The following MCF2L2 variants were observed in gnomAD, a reference collection of about 807,000 sequenced individuals.
MCF2L2 encodes the protein MCF.2 cell line derived transforming sequence-like 2.
MCF2L2 carries 102 observed loss-of-function variants against 150.2 expected under a neutral mutation model. The ratio of observed to expected loss-of-function variants is 0.68; its 90% CI spans 0.58 to 0.80. The LOEUF is 0.80. MCF2L2 is among the 30% of genes least tolerant of loss of function. The probability of loss-of-function intolerance (pLI) is 0.00; values close to 1 mark genes in which losing one functional copy is unlikely to be tolerated. For synonymous variants in MCF2L2, 465 were observed against 491.3 expected, an observed-to-expected ratio of 0.95 and a Z score of 0.71; for missense variants, 1,256 against 1,372.8, an observed-to-expected ratio of 0.91 and a Z score of 1.34.
intron 23 of MCF2L2, among the ~76,000 whole-genome samples, chr3:183,206,951 A>AGGGAGGGAGGG (rs1553881869): frequency 1.4e-4 from 8 of 57,380 alleles, no homozygotes; most frequent in African/African-American, 4.1e-4. Flanking sequence ...GGAAGGAAGG[A>AGGGAGGGAGGG]AGGAAGGAAG....
intron 15 of MCF2L2, among the ~76,000 whole-genome samples, chr3:183,248,623 C>T (rs1449404994): frequency 6.6e-6 from 1 of 151,976 alleles, no homozygotes; most frequent in Non-Finnish European, 1.5e-5. Context: ...TCGCTTGAGC[C>T]CAGGAGTTCA....
chr3:183,321,863 G>C (rs1729826665), intron 6 of MCF2L2, among the ~76,000 whole-genome samples: 1 of 152,238 alleles, frequency 6.6e-6, no homozygotes, highest in Admixed American at 6.5e-5. Context: ...TAATTTATAA[G>C]CAGCAGAAAT....
Position 183,427,993 on chromosome 3 carries a change from T to C in MCF2L2, c.-16A>G, listed in dbSNP as rs757368466. ...AAGACAGCATTTCACTGAAAAACCA[T>C]TCCGTATAAATAAAGCCAAACAAAA... On this transcript the variant is annotated 5_prime_UTR_variant, in exon 1 of 30. The change abolishes an upstream ATG in the 5' untranslated region. Transcript: ENST00000328913. The C allele has an allele frequency of 6.2e-7, 1 of 1,602,870 alleles. No individual in the cohort carries two copies. The highest frequency in any genetic ancestry group is 8.5e-7 in the Non-Finnish European group (1 of 1,170,074).
At chr3:183,357,765 T>G (rs978952361) in intron 3 of MCF2L2, among the ~76,000 whole-genome samples, 1 of 151,362 alleles carries the variant, frequency 6.6e-6, no homozygotes, top group Non-Finnish European at 1.5e-5. Context: ...ATGCTCTGCA[T>G]GGGACCAAGA....
Position 183,180,123 on chromosome 3 carries a change from A to G in MCF2L2, c.3053T>C (p.Phe1018Ser), listed in dbSNP as rs760291871. Residue 1018 changes from phenylalanine to serine, a missense_variant, in exon 28 of 30, where the codon TTT (phenylalanine) becomes TCT (serine). Transcript: ENST00000328913. ...GTCTTCTGCGCCTTCACAGTCTTCA[A>G]AGGTGTCCATGGAGCTAAACTCCCT... ...SSREFSSMDT[F>S]EDCEGAEDME... 1.9e-6 allele frequency: 3 copies of G among 1,613,918 alleles called. No individual in the cohort carries two copies. Among genetic ancestry groups the G allele is most frequent in the African/African-American group, 2.7e-5 (2 of 74,926 alleles).
chr3:183,385,605 A>T (rs935456923), intron 2 of MCF2L2, among the ~76,000 whole-genome samples: 1 of 152,230 alleles, frequency 6.6e-6, no homozygotes, highest in Non-Finnish European at 1.5e-5. Flanking sequence ...TGAAAGAGAG[A>T]GATTCAGTTC....
intron 3 of MCF2L2, among the ~76,000 whole-genome samples, chr3:183,343,801 AT>A (rs1212954995): frequency 6.6e-6 from 1 of 152,222 alleles, no homozygotes; most frequent in African/African-American, 2.4e-5. Context: ...CAAAGTAAAA[AT>A]AACACAGTAT....
intron 15 of MCF2L2, among the ~76,000 whole-genome samples, chr3:183,247,227 G>A (rs916400850): frequency 3.9e-5 from 6 of 152,150 alleles, no homozygotes; most frequent in Admixed American, 1.3e-4. Flanking sequence ...CCAATGTGTC[G>A]AGCATGAATG....
intron 15 of MCF2L2, among the ~76,000 whole-genome samples, chr3:183,249,910 G>A (rs982096605): frequency 6.6e-6 from 1 of 152,228 alleles, no homozygotes; most frequent in Non-Finnish European, 1.5e-5. Flanking sequence ...ATTATTGTGA[G>A]GGTGGCAAGG....
chr3:183,256,846 G>A (rs1346244221), intron 15 of MCF2L2, among the ~76,000 whole-genome samples: 5 of 123,298 alleles, frequency 4.1e-5, no homozygotes, highest in African/African-American at 2.7e-4. Flanking sequence ...CAAGAATAAC[G>A]GAAGACCGTT....
chr3:183,381,541 C>T (rs963524458), intron 2 of MCF2L2, among the ~76,000 whole-genome samples: 1 of 152,174 alleles, frequency 6.6e-6, no homozygotes, highest in African/African-American at 2.4e-5. Context: ...ATTGAGCAAA[C>T]ATAAGTATAT....
intron 14 of MCF2L2, among the ~76,000 whole-genome samples, chr3:183,280,601 G>A (rs1282389886): frequency 1.3e-5 from 2 of 151,852 alleles, no homozygotes; most frequent in East Asian, 1.9e-4. Flanking sequence ...TAATCCTAGC[G>A]CTTTGGGAGG....
At chr3:183,347,546 T>C (rs1051611189) in intron 3 of MCF2L2, among the ~76,000 whole-genome samples, 2 of 152,140 alleles carry the variant, frequency 1.3e-5, no homozygotes, top group African/African-American at 4.8e-5. Context: ...AAAGCCAAAA[T>C]TGACAAATGG....
intron 21 of MCF2L2, among the ~76,000 whole-genome samples, chr3:183,216,568 AT>A: frequency 1.4e-4 from 1 of 7,002 alleles, no homozygotes; most frequent in African/African-American, 6.0e-4. Flanking sequence ...ATATATATAT[AT>A]ATATATATAT....
intron 27 of MCF2L2, among the ~76,000 whole-genome samples, chr3:183,190,378 TG>T (rs1721841263): frequency 6.6e-6 from 1 of 152,194 alleles, no homozygotes. Context: ...CCATCCATTC[TG>T]GGACCCCTCC....
chr3:183,209,474 C>A (rs9838250), intron 22 of MCF2L2, among the ~76,000 whole-genome samples: 3 of 151,894 alleles, frequency 2.0e-5, no homozygotes, highest in Non-Finnish European at 4.4e-5. Flanking sequence ...TTTTGCTTCA[C>A]GCACAAAATT....
At chr3:183,316,287 A>G (rs538196128) in intron 7 of MCF2L2, among the ~76,000 whole-genome samples, 1 of 138,626 alleles carries the variant, frequency 7.2e-6, no homozygotes. Context: ...GGATTTTACA[A>G]TTTCAGTCCA....
At chr3:183,248,080 C>T (rs1363499492) in intron 15 of MCF2L2, among the ~76,000 whole-genome samples, 1 of 152,176 alleles carries the variant, frequency 6.6e-6, no homozygotes, top group Admixed American at 6.5e-5. Flanking sequence ...TCTTTATCTA[C>T]CAGCAGATAT....
At chr3:183,381,097 A>G (rs1713501661) in intron 2 of MCF2L2, among the ~76,000 whole-genome samples, 1 of 152,220 alleles carries the variant, frequency 6.6e-6, no homozygotes, top group Admixed American at 6.5e-5. Context: ...AGCCAGTAGT[A>G]TAGGAGCTTA....
Sources: allele counts gnomAD v4.1 joint callset (sites outside exome capture counted in the v4.1 genomes callset), GRCh38; gene constraint gnomAD v4.1.1; transcripts MANE v1.5; gene names NCBI Gene and HGNC (gene_info 2026-07-23, HGNC 2026-07-21).